Variants in ZAN observed in about 807,000 individuals in gnomAD.
ZAN encodes the protein zonadhesin.
Under a neutral mutation model 286.2 loss-of-function variants are expected in ZAN, and 260 were observed. The ratio of observed to expected loss-of-function variants is 0.91; its 90% CI spans 0.82 to 1.01. ZAN has a LOEUF of 1.01. ZAN is among the 50% of genes least tolerant of loss of function. The pLI is 0.00. For missense variants in ZAN, 3,410 were observed against 3,639.2 expected (o/e 0.94, Z 1.62); for synonymous variants, 1,368 against 1,417.5 (o/e 0.97, Z 0.79).
chr7:100,738,876 T>C lies in ZAN; in HGVS notation c.766+263T>C, dbSNP rs1352699674. Among the ~76,000 whole-genome samples, 153 of 19,950 alleles carry C rather than the reference T, an allele frequency of 7.7e-3. 15 individuals carry two copies. The highest frequency in any genetic ancestry group is 0.03 in the South Asian group (7 of 232). The allele number at this position is 19,950 out of a possible 152,430, so 13.1% of individuals were successfully genotyped here. A position where few individuals can be genotyped will look rare whatever the true frequency, so the allele number is the denominator to read the frequency against. On this transcript the variant is annotated intron_variant, in intron 7 of 47. Transcript: ENST00000613979. ...CTTCTTTCTCTTCCTCTTCTTCTTC[T>C]CCCTCTCCCTCTCCCTCTCCCTCTC...
chr7:100,755,289 G>A lies in ZAN; in HGVS notation c.3188G>A (p.Arg1063Lys). 1 of 1,613,876 alleles carries A rather than the reference G, an allele frequency of 6.2e-7. No individual in the cohort carries two copies. Among genetic ancestry groups the A allele is most frequent in the Non-Finnish European group, 8.5e-7 (1 of 1,179,870 alleles). Residue 1063 changes from arginine (R) to lysine (K), a missense_variant, in exon 15 of 48, where the codon AGG (arginine) becomes AAG (lysine). Arg to Lys is a conservative substitution (Grantham distance 26). Around this residue, in one of 7 missense-constraint regions of ZAN, gnomAD observed 1,042 missense variants for 1,058.0 expected, o/e 0.98. Coordinates refer to ENST00000613979, the MANE Select transcript of ZAN (RefSeq NM_003386.3). ...CACPASCKSP[R>K]PSCGPLCREG... ...TGTCCTGCTTCGTGCAAGAGCCCCA[G>A]GCCTAGCTGTGGGCCCCTCTGTCGG...
chr7:100,760,306 C>T, intron 18 of ZAN, 85 bp from the exon 19 acceptor site: 3 of 1,542,098 alleles, frequency 1.9e-6, no homozygotes, highest in Non-Finnish European at 2.7e-6. Flanking sequence ...TGGTGTCCTG[C>T]CTCCCAGCTA....
chr7:100,766,551 C>G lies in ZAN; in HGVS notation c.4497C>G (p.Gly1499=). The part of the protein sequence containing the change: ...FKVGERWYKP[G]CKELCVCESN... ...TAGGGGAGCGGTGGTACAAGCCAGG[C>G]TGCAAAGAGTTGTGCGTCTGTGAAA... is the stretch of plus-strand genomic sequence containing the variant. Residue 1499 remains glycine (G), a synonymous_variant, in exon 24 of 48, where the codon GGC becomes GGG. Coordinates refer to ENST00000613979, the MANE Select transcript of ZAN (RefSeq NM_003386.3). 1 of 1,551,752 alleles carries G rather than the reference C, an allele frequency of 6.4e-7. No homozygotes were observed. Among genetic ancestry groups the G allele is most frequent in the Non-Finnish European group, 8.7e-7 (1 of 1,146,954 alleles).
intron 39 of ZAN, among the ~76,000 whole-genome samples, chr7:100,790,448 G>T (rs1811863177): frequency 6.6e-6 from 1 of 151,554 alleles, no homozygotes; most frequent in Non-Finnish European, 1.5e-5. Context: ...TATAGTCCCA[G>T]CTACTCGTGA....
In ZAN at chr7:100,767,064, C is replaced by T; in HGVS notation, c.4667C>T (p.Ala1556Val). Residue 1556 changes from alanine to valine, a missense_variant, in exon 25 of 48, where the codon GCC (alanine) becomes GTC (valine). Around this residue, in one of 7 missense-constraint regions of ZAN, gnomAD observed 1,042 missense variants for 1,058.0 expected, o/e 0.98. Coordinates refer to ENST00000613979, the MANE Select transcript of ZAN (RefSeq NM_003386.3). The part of the protein sequence containing the change: ...GDPHYLTFDG[A>V]LHHFMGTCTY... ...CCCCACTACCTGACCTTCGATGGCG[C>T]CTTGCACCACTTCATGGGCACCTGC... 4 of 1,613,964 alleles carry T rather than the reference C, an allele frequency of 2.5e-6. No individual in the cohort carries two copies. The highest frequency in any genetic ancestry group is 3.4e-6 in the Non-Finnish European group (4 of 1,179,872).
At chr7:100,756,414 G>C (rs1327768873) in intron 15 of ZAN, among the ~76,000 whole-genome samples, 1 of 144,116 alleles carries the variant, frequency 6.9e-6, no homozygotes, top group African/African-American at 2.7e-5. Flanking sequence ...GGGCGACAGA[G>C]TGACACCCTG....
intron 27 of ZAN, 65 bp downstream of exon 27, chr7:100,768,786 C>A: frequency 7.3e-7 from 1 of 1,372,242 alleles, no homozygotes; most frequent in Non-Finnish European, 9.9e-7. Flanking sequence ...CGGGGGGCAG[C>A]TTGGAAGTGT....
chr7:100,765,306 C>G (rs767356022), intron 22 of ZAN, 46 bp from the exon 23 acceptor site: 8 of 1,598,992 alleles, frequency 5.0e-6, no homozygotes, highest in Non-Finnish European at 6.8e-6. Context: ...CACCCAGCCC[C>G]GTGGCTTGTT....
chr7:100,766,504 C>A, intron 23 of ZAN, 21 bp from the exon 24 acceptor site: 1 of 1,539,852 alleles, frequency 6.5e-7, no homozygotes. Context: ...CTTTCTCTTC[C>A]TTCCCTGCTG....
At chr7:100,740,490 T>G (rs201222924) in intron 7 of ZAN, among the ~76,000 whole-genome samples, 1 of 61,698 alleles carries the variant, frequency 1.6e-5, no homozygotes, top group Non-Finnish European at 3.2e-5. Flanking sequence ...AGATTAGGGA[T>G]TGGTGATGAC....
intron 23 of ZAN, 80 bp downstream of exon 23, chr7:100,765,634 C>G (rs1298042198): frequency 2.1e-6 from 3 of 1,451,290 alleles, no homozygotes; most frequent in Non-Finnish European, 1.8e-6. Context: ...CAAGCTCTTT[C>G]TTTTCTTTTC....
chr7:100,793,996 C>A lies in ZAN; in HGVS notation c.7964C>A (p.Thr2655Asn), dbSNP rs767791781. The change falls in exon 43 of 48, where the codon ACC becomes AAC. Residue 2655 changes from threonine to asparagine, a missense_variant. Thr to Asn is a moderately conservative substitution (Grantham distance 65, BLOSUM62 0). Around this residue, in one of 7 missense-constraint regions of ZAN, gnomAD observed 1,289 missense variants for 1,314.3 expected, o/e 0.98. Transcript: ENST00000613979. The stretch of plus-strand genomic sequence containing the variant: ...CCTCCCCTGGCTGACTGTGGCTGCA[C>A]CAGCAATGGCATCTACTACCAGGTC... ...PEPPLADCGC[T>N]SNGIYYQLGS... 1 of 1,613,506 alleles carries A rather than the reference C, an allele frequency of 6.2e-7. No individual in the cohort carries two copies. Among genetic ancestry groups the A allele is most frequent in the Non-Finnish European group, 8.5e-7 (1 of 1,179,770 alleles).
intron 22 of ZAN, 39 bp downstream of exon 22, chr7:100,764,235 T>C (rs537837591): frequency 1.0e-5 from 15 of 1,472,516 alleles, no homozygotes; most frequent in Non-Finnish European, 9.9e-6. Context: ...CCGGGCACGG[T>C]GGCTCACACC....
intron 35 of ZAN, among the ~76,000 whole-genome samples, chr7:100,780,577 G>A (rs1207816131): frequency 1.3e-5 from 2 of 151,710 alleles, no homozygotes; most frequent in Admixed American, 6.6e-5. Flanking sequence ...GTGGGGGTGA[G>A]GTGGGAGGAT....
Position 100,736,362 on chromosome 7 carries a change from C to G in ZAN, c.107-121C>G. 1.7e-6 allele frequency: 2 copies of G among 1,174,670 alleles called. 1 individual carries two copies. Among genetic ancestry groups the G allele is most frequent in the African/African-American group, 3.1e-5 (2 of 65,338 alleles). The allele number at this position is 1,174,670 out of a possible 1,614,324, so 72.8% of individuals were successfully genotyped here. A position where few individuals can be genotyped will look rare whatever the true frequency, so the allele number is the denominator to read the frequency against. On this transcript the variant is annotated intron_variant, in intron 3 of 47. Coordinates refer to ENST00000613979, the MANE Select transcript of ZAN (RefSeq NM_003386.3). ...GGGACTACAGGTGTGCGCCACCACA[C>G]CCGGCTGATTTCATGGCAGCTTTCT... is the stretch of plus-strand genomic sequence containing the variant.
chr7:100,769,734 A>T (rs1810250778), intron 27 of ZAN, 146 bp from the exon 28 acceptor site: 1 of 644,932 alleles, frequency 1.6e-6, no homozygotes, highest in South Asian at 1.9e-5. Context: ...TTGTGTAGAG[A>T]TAGGATCTCA....
At chr7:100,787,528 C>T (rs73411157) in intron 37 of ZAN, among the ~76,000 whole-genome samples, 9,280 of 152,170 alleles carry the variant, frequency 0.061, 877 homozygotes, top group African/African-American at 0.2. Flanking sequence ...GGGACTGTCA[C>T]ACCTGGGCAG....
rs376858806 is a variant in ZAN at position 100,795,347 on chromosome 7, C to T, written c.8266+11C>T. 5 of 1,568,556 alleles carry T rather than the reference C, an allele frequency of 3.2e-6. No individual in the cohort carries two copies. The highest frequency in any genetic ancestry group is 4.3e-6 in the Non-Finnish European group (5 of 1,155,038). On this transcript the variant is annotated intron_variant, in intron 45 of 47. Transcript: ENST00000613979. Reference sequence around the variant, plus strand: ...CTCCCAGAAAGCCAGGTGAGGGCATCGTCCAAGGCCCTGTACCCTCACAAC... The same window carrying T: ...CTCCCAGAAAGCCAGGTGAGGGCATTGTCCAAGGCCCTGTACCCTCACAAC...
At chr7:100,753,832 TAAAAA>T (rs59347418) in intron 14 of ZAN, among the ~76,000 whole-genome samples, 1 of 73,172 alleles carries the variant, frequency 1.4e-5, no homozygotes, top group African/African-American at 5.7e-5. Flanking sequence ...GACATCGTCC[TAAAAA>T]AAAAAAAAAA....
Sources: allele counts gnomAD v4.1 joint callset (sites outside exome capture counted in the v4.1 genomes callset), GRCh38; gene constraint gnomAD v4.1.1; regional missense constraint gnomAD v4.1.1; transcripts MANE v1.5; gene names NCBI Gene and HGNC (gene_info 2026-07-23, HGNC 2026-07-21).